The following NRG1 variants were observed in gnomAD, a reference collection of about 807,000 sequenced individuals.
NRG1 encodes the protein pro-neuregulin-1, membrane-bound isoform.
In NRG1, 18 loss-of-function variants were observed where a neutral mutation model predicts 63.8. That is an observed-to-expected ratio of 0.28 (90% confidence interval 0.19 to 0.42). NRG1 has a LOEUF of 0.42. Ranked by LOEUF, NRG1 falls within the 10% of genes least tolerant of loss-of-function variation. NRG1 has a pLI of 1.00. For missense variants in NRG1, 762 were observed against 814.7 expected (o/e 0.94, Z 0.79); for synonymous variants, 302 against 301.3 (o/e 1.00, Z -0.02).
chr8:32,118,883 AAGAAAAGAGACCAAAGAGCCATCCTTG>A (rs1313588262), intron 1 of NRG1, among the ~76,000 whole-genome samples: 1 of 152,050 alleles, frequency 6.6e-6, no homozygotes, highest in Non-Finnish European at 1.5e-5. Context: ...TCCCATCCCT[AAGAAAAGAGACCAAAGAGCCATCCTTG>A]AGAAAAGAGA....
chr8:32,442,671 G>T (rs1309594842), intron 1 of NRG1: 1 of 152,120 alleles, frequency 6.6e-6, no homozygotes, highest in South Asian at 2.1e-4. Context: ...ACCACAAATA[G>T]TGTACTCTAT....
intron 1 of NRG1, among the ~76,000 whole-genome samples, chr8:31,849,689 G>C (rs1380587386): frequency 6.6e-6 from 1 of 152,134 alleles, no homozygotes. Flanking sequence ...ACAGGGTGAC[G>C]ATGGGATGTT....
At chr8:31,688,250 A>G (rs1362278239) in intron 1 of NRG1, among the ~76,000 whole-genome samples, 1 of 152,196 alleles carries the variant, frequency 6.6e-6, no homozygotes, top group African/African-American at 2.4e-5. Context: ...ATTAAGAGGT[A>G]GGACCTTTGG....
chr8:31,945,469 C>T (rs1417365471), intron 1 of NRG1, among the ~76,000 whole-genome samples: 2 of 152,152 alleles, frequency 1.3e-5, no homozygotes, highest in Admixed American at 6.5e-5. Flanking sequence ...AGAGATTTCC[C>T]TACACCAAAA....
At chr8:32,263,556 C>T (rs1322474140) in intron 1 of NRG1, among the ~76,000 whole-genome samples, 2 of 152,074 alleles carry the variant, frequency 1.3e-5, no homozygotes, top group African/African-American at 4.8e-5. Flanking sequence ...TCTTCTTCCT[C>T]GATAGTTTCC....
At position 32,656,096 on chromosome 8, in the gene NRG1, G is replaced by A. The variant is rs139467821; in HGVS notation, c.502+39211G>A. ...TAATTTTATATGAGCCAAATCAAAT[G>A]TAGAAATTCTTTGAGTATACTACAT... On this transcript the variant is annotated intron_variant, in intron 5 of 11. Transcript: ENST00000356819. Among the ~76,000 whole-genome samples the A allele has an allele frequency of 7.6e-4, 115 of 152,192 alleles. 1 individual carries two copies. In the East Asian group the frequency reaches 0.019, roughly 26 times the overall value.
intron 1 of NRG1, among the ~76,000 whole-genome samples, chr8:32,209,774 C>A (rs1162735540): frequency 1.2e-5 from 1 of 86,272 alleles, no homozygotes. Context: ...TCCTTCCTTC[C>A]TTCTTACTTT....
At chr8:32,157,520 G>A (rs141581419) in intron 1 of NRG1, among the ~76,000 whole-genome samples, 5 of 151,694 alleles carry the variant, frequency 3.3e-5, no homozygotes, top group African/African-American at 7.3e-5. Context: ...TTAGCCGGGC[G>A]TGGTGGTACA....
At chr8:32,268,993 A>G (rs1472110245) in intron 1 of NRG1, among the ~76,000 whole-genome samples, 1 of 152,142 alleles carries the variant, frequency 6.6e-6, no homozygotes, top group Non-Finnish European at 1.5e-5. Context: ...GATGATATTC[A>G]TTAGCCAATT....
chr8:31,720,691 T>C (rs1168200762), intron 1 of NRG1, among the ~76,000 whole-genome samples: 2 of 152,208 alleles, frequency 1.3e-5, no homozygotes, highest in Admixed American at 6.5e-5. Flanking sequence ...TGAAATGGCC[T>C]TGGACCTAAT....
chr8:32,442,400 T>A (rs1221963388), intron 1 of NRG1: 1 of 152,292 alleles, frequency 6.6e-6, no homozygotes, highest in Non-Finnish European at 1.5e-5. Context: ...CACATCCTCC[T>A]CATTTGGAAA....
intron 1 of NRG1, among the ~76,000 whole-genome samples, chr8:31,999,558 G>A (rs1330599066): frequency 6.6e-6 from 1 of 151,936 alleles, no homozygotes; most frequent in African/African-American, 2.4e-5. Flanking sequence ...TGGCCTGTAT[G>A]TTTGACTTCT....
chr8:32,541,202 T>A (rs766669467), intron 1 of NRG1, among the ~76,000 whole-genome samples: 64 of 152,174 alleles, frequency 4.2e-4, no homozygotes, highest in Non-Finnish European at 7.9e-4. Context: ...ACCTCGAAAC[T>A]AAAAATCCCT....
intron 2 of NRG1, among the ~76,000 whole-genome samples, chr8:32,598,622 A>G (rs1172563774): frequency 1.3e-5 from 2 of 152,172 alleles, no homozygotes; most frequent in Non-Finnish European, 2.9e-5. Context: ...AAAGAATTAA[A>G]TGGGGAAAAA....
chr8:31,800,837 C>CTTTTTTTTTTTTTTTT (rs5890598), intron 1 of NRG1, among the ~76,000 whole-genome samples: 14 of 105,046 alleles, frequency 1.3e-4, no homozygotes, highest in African/African-American at 4.9e-4. Flanking sequence ...AGTCTCCTTT[C>CTTTTTTTTTTTTTTTT]TTTTTTTTTT....
At chr8:32,459,593 C>T (rs555380944) in intron 1 of NRG1, among the ~76,000 whole-genome samples, 1 of 150,752 alleles carries the variant, frequency 6.6e-6, no homozygotes, top group African/African-American at 2.4e-5. Context: ...AGTGAGACCC[C>T]ATTTCTAATT....
intron 1 of NRG1, among the ~76,000 whole-genome samples, chr8:31,810,801 T>C (rs7813321): frequency 0.75 from 113,584 of 152,128 alleles, 42,910 homozygotes; most frequent in East Asian, 0.99. Context: ...ATGGGACTGA[T>C]GACTTCTCCA....
At chr8:32,162,602 T>C (rs182278270) in intron 1 of NRG1, among the ~76,000 whole-genome samples, 4 of 152,272 alleles carry the variant, frequency 2.6e-5, no homozygotes, top group Admixed American at 2.6e-4. Flanking sequence ...TCAGACCCCT[T>C]ACCCCCATCC....
At chr8:32,587,864 G>A (rs759062440) in intron 1 of NRG1, among the ~76,000 whole-genome samples, 4 of 152,060 alleles carry the variant, frequency 2.6e-5, no homozygotes, top group African/African-American at 4.8e-5. Context: ...GTTTGATTTC[G>A]TAGGGATAAA....
Sources: allele counts gnomAD v4.1 joint callset (sites outside exome capture counted in the v4.1 genomes callset), GRCh38; gene constraint gnomAD v4.1.1; transcripts MANE v1.5; gene names NCBI Gene and HGNC (gene_info 2026-07-23, HGNC 2026-07-21).